Variants in TEKT5 observed in about 807,000 individuals in gnomAD.
The protein encoded by TEKT5 is tektin 5.
In TEKT5, 52 loss-of-function variants were observed where a neutral mutation model predicts 48.7. The ratio of observed to expected loss-of-function variants is 1.07; its 90% CI spans 0.86 to 1.35. The LOEUF (loss-of-function observed/expected upper bound fraction) is 1.35, where lower values mean the gene tolerates loss of function less well. TEKT5 is among the 40% of genes most tolerant of loss of function. TEKT5 has a pLI of 0.00. For missense variants in TEKT5, 831 were observed against 641.6 expected (o/e 1.30, Z -3.19); for synonymous variants, 318 against 267.6 (o/e 1.19, Z -1.84).
chr16:10,674,573 G>C (rs546712555), intron 5 of TEKT5, among the ~76,000 whole-genome samples: 44 of 126,062 alleles, frequency 3.5e-4, no homozygotes, highest in African/African-American at 1.3e-3. Flanking sequence ...AGCCGTGATT[G>C]TGCCACTGTG....
intron 6 of TEKT5, 100 bp downstream of exon 6, chr16:10,635,664 A>AT (rs964654490): frequency 3.3e-6 from 5 of 1,513,906 alleles, no homozygotes; most frequent in Non-Finnish European, 4.4e-6. Flanking sequence ...AGGAGGGTCC[A>AT]TTTTTCAGAC....
intron 6 of TEKT5, among the ~76,000 whole-genome samples, chr16:10,634,787 C>T (rs915843586): frequency 2.0e-5 from 3 of 152,134 alleles, no homozygotes; most frequent in Non-Finnish European, 4.4e-5. Flanking sequence ...TGCCAGCCAA[C>T]AGCCAGCAAA....
At chr16:10,672,027 G>C (rs1898557116) in intron 5 of TEKT5, among the ~76,000 whole-genome samples, 1 of 152,166 alleles carries the variant, frequency 6.6e-6, no homozygotes, top group Non-Finnish European at 1.5e-5. Flanking sequence ...AGGGGAGGGA[G>C]TGTTTAATGG....
chr16:10,658,370 A>G (rs531591680), intron 5 of TEKT5, among the ~76,000 whole-genome samples: 19 of 152,354 alleles, frequency 1.2e-4, no homozygotes, highest in African/African-American at 4.3e-4. Flanking sequence ...GGATGGATCA[A>G]TTGTGGAATA....
At chr16:10,648,250 A>G (rs943926284) in intron 5 of TEKT5, among the ~76,000 whole-genome samples, 7 of 152,194 alleles carry the variant, frequency 4.6e-5, no homozygotes, top group Non-Finnish European at 7.3e-5. Flanking sequence ...TACATGAATC[A>G]TCTCATTATA....
intron 6 of TEKT5, among the ~76,000 whole-genome samples, chr16:10,632,957 G>T (rs1897859989): frequency 6.7e-6 from 1 of 149,384 alleles, no homozygotes; most frequent in African/African-American, 2.5e-5. Flanking sequence ...CTTGCTTTCT[G>T]TCTGTCCTCC....
intron 5 of TEKT5, among the ~76,000 whole-genome samples, chr16:10,640,063 T>TC (rs1897970080): frequency 6.6e-6 from 1 of 151,282 alleles, no homozygotes; most frequent in Admixed American, 6.6e-5. Flanking sequence ...TCCTCCTCCT[T>TC]TTTCTTTCTC....
At chr16:10,681,471 CA>C (rs1456671730) in intron 4 of TEKT5, among the ~76,000 whole-genome samples, 2 of 152,122 alleles carry the variant, frequency 1.3e-5, no homozygotes, top group African/African-American at 4.8e-5. Flanking sequence ...CTTGGCCTCC[CA>C]AAGGGCTGGG....
At chr16:10,650,592 A>G (rs1898139585) in intron 5 of TEKT5, among the ~76,000 whole-genome samples, 1 of 146,320 alleles carries the variant, frequency 6.8e-6, no homozygotes, top group Non-Finnish European at 1.5e-5. Flanking sequence ...GGGAGGAAAA[A>G]AGCCACATCT....
At chr16:10,674,036 C>T (rs1188490415) in intron 5 of TEKT5, among the ~76,000 whole-genome samples, 2 of 152,192 alleles carry the variant, frequency 1.3e-5, no homozygotes, top group Non-Finnish European at 2.9e-5. Flanking sequence ...GATCCAAACA[C>T]TGTCCTGCTT....
chr16:10,683,480 A>C (rs1274438028), intron 3 of TEKT5, among the ~76,000 whole-genome samples: 19 of 152,228 alleles, frequency 1.2e-4, no homozygotes, highest in Admixed American at 1.2e-3. Context: ...AGAAGCTTAG[A>C]CTTAAAGATT....
At chr16:10,650,419 G>A (rs1210137309) in intron 5 of TEKT5, among the ~76,000 whole-genome samples, 4 of 151,840 alleles carry the variant, frequency 2.6e-5, no homozygotes, top group Admixed American at 6.6e-5. Flanking sequence ...ATATCTTTAC[G>A]GGGCCTGTCT....
At chr16:10,641,121 T>C (rs1048685685) in intron 5 of TEKT5, among the ~76,000 whole-genome samples, 2 of 151,602 alleles carry the variant, frequency 1.3e-5, no homozygotes, top group Admixed American at 1.3e-4. Context: ...GCTCCCCACC[T>C]TCGTCAACAC....
At chr16:10,634,694 G>C (rs567978617) in intron 6 of TEKT5, among the ~76,000 whole-genome samples, 6 of 152,220 alleles carry the variant, frequency 3.9e-5, no homozygotes, top group Non-Finnish European at 8.8e-5. Context: ...CTTGTGGCTG[G>C]TACTGTCATT....
Position 10,635,804 on chromosome 16 carries a change from G to T in TEKT5, c.1201C>A (p.Arg401Ser). ...TCCCTGCACAGCTCCATGTTGGGGC[G>T]CCGGGTCCGGCACTCCAGCCTTGTC... is the stretch of plus-strand genomic sequence containing the variant. ...AQTRLECRTR[R>S]PNMELCRDIP... Residue 401 changes from arginine to serine, a missense_variant, in exon 6 of 7, where the codon CGC (arginine) becomes AGC (serine). By Grantham distance (110) the Arg-to-Ser change is moderately radical. Coordinates refer to ENST00000283025, the MANE Select transcript of TEKT5 (RefSeq NM_144674.2). 6.2e-7 allele frequency: 1 copy of T among 1,614,106 alleles called. No individual in the cohort carries two copies. The highest frequency in any genetic ancestry group is 1.3e-5 in the African/African-American group (1 of 75,040).
At chr16:10,684,395 CTT>C (rs921465373) in intron 3 of TEKT5, among the ~76,000 whole-genome samples, 10 of 141,736 alleles carry the variant, frequency 7.1e-5, no homozygotes, top group Admixed American at 1.4e-4. Context: ...TCCCCTCCAT[CTT>C]TTTTTTTTTT....
intron 5 of TEKT5, among the ~76,000 whole-genome samples, chr16:10,641,545 C>T (rs1229581011): frequency 6.6e-6 from 1 of 152,164 alleles, no homozygotes; most frequent in African/African-American, 2.4e-5. Context: ...AGAGGCCTGG[C>T]GTGGTAGCTC....
intron 4 of TEKT5, among the ~76,000 whole-genome samples, chr16:10,677,561 A>G (rs960227488): frequency 6.8e-6 from 1 of 146,946 alleles, no homozygotes; most frequent in African/African-American, 2.7e-5. Context: ...GCGAGCCGAG[A>G]TCACGCTACT....
intron 3 of TEKT5, among the ~76,000 whole-genome samples, chr16:10,683,165 A>G (rs1293924871): frequency 2.0e-5 from 3 of 152,204 alleles, no homozygotes; most frequent in African/African-American, 7.2e-5. Flanking sequence ...GGTTTTCACA[A>G]TAAATAGGAG....
Sources: gnomAD v4.1 joint callset for allele counts (sites outside exome capture counted in the v4.1 genomes callset) on GRCh38, gnomAD v4.1.1 for gene constraint, MANE v1.5 for transcripts, NCBI Gene and HGNC (gene_info 2026-07-23, HGNC 2026-07-21) for gene names.